The following WIZ variants were observed in gnomAD, a reference collection of about 807,000 sequenced individuals.
WIZ encodes protein Wiz.
A neutral mutation model predicts 140.2 loss-of-function variants in WIZ; 25 were observed. The ratio of observed to expected loss-of-function variants is 0.18; its 90% CI spans 0.13 to 0.25. The LOEUF (loss-of-function observed/expected upper bound fraction) is 0.25. WIZ is among the 10% of genes least tolerant of loss of function. The probability of loss-of-function intolerance (pLI) is 1.00; values close to 1 mark genes in which losing one functional copy is unlikely to be tolerated. For missense variants in WIZ, 2,231 were observed against 2,632.6 expected (o/e 0.85, Z 3.34); for synonymous variants, 1,125 against 1,154.3 (o/e 0.97, Z 0.51).
intron 6 of WIZ, among the ~76,000 whole-genome samples, 170 bp downstream of exon 6, chr19:15,430,842 G>A (rs1406575623): frequency 1.3e-5 from 2 of 152,244 alleles, no homozygotes; most frequent in African/African-American, 2.4e-5. Context: ...GCCCAGGACA[G>A]TAGAAGTTCA....
rs1191405586 is a variant in WIZ, at chr19:15,423,151, G to A, written c.5595C>T (p.Asn1865=). The change falls in exon 13 of 13, where the codon AAC becomes AAT. Residue 1865 remains asparagine, a synonymous_variant. Transcript: ENST00000673675. ...CAGGTGGGGGGTCCGCTTTGGAGAA[G>A]TTCATCTCCAGGATGTGCCGCTGTA... ...RHLQRHILEM[N]FSKADPPPEE... The A allele has an allele frequency of 6.2e-7, 1 of 1,613,308 alleles. No individual in the cohort carries two copies. Among genetic ancestry groups the A allele is most frequent in the Non-Finnish European group, 8.5e-7 (1 of 1,179,930 alleles).
chr19:15,440,595 A>G lies in WIZ; in HGVS notation c.399T>C (p.Ala133=). The change falls in exon 4 of 13, where the codon GCT becomes GCC. Residue 133 remains alanine, a synonymous_variant. Coordinates refer to ENST00000673675, the MANE Select transcript of WIZ (RefSeq NM_001371589.1). The surrounding 1 kb of genome is among the most constrained non-coding windows in gnomAD (Gnocchi z 6.2). ...TCCGCTCAGATAGGATGCCCTCCCC[A>G]GCCTCCTGGACAAGGGGGTGCTCCC... ...GPWEHPLVQE[A]GEGILSERRF... 1 of 1,536,090 alleles carries G rather than the reference A, an allele frequency of 6.5e-7. No individual in the cohort carries two copies. Among genetic ancestry groups the G allele is most frequent in the Non-Finnish European group, 8.7e-7 (1 of 1,146,862 alleles).
chr19:15,436,538 T>G (rs1173710979), intron 5 of WIZ: 1 of 438,508 alleles, frequency 2.3e-6, no homozygotes, highest in African/African-American at 2.1e-5. Context: ...TGGCTCCCAG[T>G]AAAAGCTCAG....
At position 15,430,088 on chromosome 19, in the gene WIZ, G is replaced by C; in HGVS notation, c.2913C>G (p.Ala971=). ...AGACCTCGCAGGTGGTCAGGCTCTG[G>C]GCTGAAGGGCAACACAGAGGCCGGG... is the stretch of plus-strand genomic sequence containing the variant. ...GSKQELQDLK[A]QSLTTCEVCG... Residue 971 remains alanine, a splice_region_variant and synonymous_variant, in exon 7 of 13, where the codon GCC becomes GCG. Coordinates refer to ENST00000673675, the MANE Select transcript of WIZ (RefSeq NM_001371589.1). 1 of 1,522,424 alleles carries C rather than the reference G, an allele frequency of 6.6e-7. No homozygotes were observed. Among genetic ancestry groups the C allele is most frequent in the Non-Finnish European group, 8.8e-7 (1 of 1,138,026 alleles). The allele number at this position is 1,522,424 out of a possible 1,614,324, so 94.3% of individuals were successfully genotyped here.
intron 1 of WIZ, among the ~76,000 whole-genome samples, chr19:15,449,179 G>A (rs572351444): frequency 2.6e-5 from 4 of 152,154 alleles, no homozygotes; most frequent in Non-Finnish European, 5.9e-5. Context: ...TCAAGGTAAC[G>A]GCGGAAAGTG....
chr19:15,449,180 G>C (rs1341369192), intron 1 of WIZ, among the ~76,000 whole-genome samples: 2 of 152,148 alleles, frequency 1.3e-5, no homozygotes, highest in African/African-American at 4.8e-5. Flanking sequence ...CAAGGTAACG[G>C]CGGAAAGTGA....
chr19:15,438,451 G>T, intron 4 of WIZ, 127 bp downstream of exon 4: 1 of 1,142,212 alleles, frequency 8.8e-7, no homozygotes, highest in Non-Finnish European at 1.2e-6. Flanking sequence ...CTTCACTGTG[G>T]CTCTCAAGTC....
At position 15,420,118 on chromosome 19, in the gene WIZ, T is replaced by G. The variant is rs1348740465; in HGVS notation, c.*2958A>C. 6.6e-6 allele frequency: 1 copy of G among 152,258 alleles called. No individual in the cohort carries two copies. The highest frequency in any genetic ancestry group is 2.4e-5 in the African/African-American group (1 of 41,470). 9.4% of individuals were successfully genotyped at this position (152,258 alleles called of 1,614,324 possible). On this transcript the variant is annotated 3_prime_UTR_variant, in exon 13 of 13. Coordinates refer to ENST00000673675, the MANE Select transcript of WIZ (RefSeq NM_001371589.1). The stretch of plus-strand genomic sequence containing the variant: ...AACTGATCTTATGGCCAGGATGTGC[T>G]TCACACAATTCAGACAGGTAGAGAG...
chr19:15,424,425 G>A lies in WIZ; in HGVS notation c.5315-47C>T, dbSNP rs1233036887. Reference sequence around the variant, plus strand: ...GAGATGAGTGGGAGGGGTGGATGCTGCAGAGACTTGGAATACACAAGAGCT... The same window carrying A: ...GAGATGAGTGGGAGGGGTGGATGCTACAGAGACTTGGAATACACAAGAGCT... On this transcript the variant is annotated intron_variant, in intron 11 of 12. Transcript: ENST00000673675. This position sits in a 1 kb window ranked among gnomAD's most constrained non-coding sequence, Gnocchi z 9.7. 6.3e-6 allele frequency: 10 copies of A among 1,580,004 alleles called. No individual in the cohort carries two copies. Among genetic ancestry groups the A allele is most frequent in the Non-Finnish European group, 8.6e-6 (10 of 1,166,652 alleles).
Position 15,439,794 on chromosome 19 carries a change from C to A in WIZ, c.1200G>T (p.Arg400=). ...QVPGDEGREA[R]LQCPKCVFGT... is the part of the protein sequence containing the mutation. ...CAAAGACACACTTAGGGCACTGCAGCCGTGCCTCCCGGCCCTCGTCTCCTG... is the reference window on the plus strand; with the variant it reads ...CAAAGACACACTTAGGGCACTGCAGACGTGCCTCCCGGCCCTCGTCTCCTG... The change falls in exon 4 of 13, where the codon CGG becomes CGT. Residue 400 remains arginine, a synonymous_variant. Transcript: ENST00000673675. This position sits in a 1 kb window ranked among gnomAD's most constrained non-coding sequence, Gnocchi z 7.0. The A allele has an allele frequency of 6.6e-7, 1 of 1,511,344 alleles. No homozygotes were observed. Among genetic ancestry groups the A allele is most frequent in the Non-Finnish European group, 8.8e-7 (1 of 1,135,286 alleles). 93.6% of individuals were successfully genotyped at this position (1,511,344 alleles called of 1,614,324 possible). A position where few individuals can be genotyped will look rare whatever the true frequency, so the allele number is the denominator to read the frequency against.
Position 15,427,705 on chromosome 19 carries a change from G to A in WIZ, c.3815-172C>T, listed in dbSNP as rs574587753. Among the ~76,000 whole-genome samples the A allele has an allele frequency of 1.4e-4, 21 of 152,274 alleles. No individual in the cohort carries two copies. In the South Asian group the frequency reaches 2.7e-3, roughly 20 times the overall value. ...GAGCGGGGCTGGGGGCCAGATACCC[G>A]GCAGGAGTGAGGGGAGGCTCCAGAG... On this transcript the variant is annotated intron_variant, in intron 8 of 12. Coordinates refer to ENST00000673675, the MANE Select transcript of WIZ (RefSeq NM_001371589.1). This position sits in a 1 kb window ranked among gnomAD's most constrained non-coding sequence, Gnocchi z 6.4.
Position 15,428,090 on chromosome 19 carries a change from C to T in WIZ, c.3814+20G>A, listed in dbSNP as rs1400123391. 1 of 1,532,620 alleles carries T rather than the reference C, an allele frequency of 6.5e-7. No individual in the cohort carries two copies. Among genetic ancestry groups the T allele is most frequent in the African/African-American group, 1.4e-5 (1 of 72,994 alleles). The allele number at this position is 1,532,620 out of a possible 1,614,324, so 94.9% of individuals were successfully genotyped here. A position where few individuals can be genotyped will look rare whatever the true frequency, so the allele number is the denominator to read the frequency against. ...TCCAGGGCCCGCAGTGAGGAGGGGG[C>T]AGCTGAAGCGAGAACCTACAGAGGT... On this transcript the variant is annotated intron_variant, in intron 8 of 12. Transcript: ENST00000673675. This position sits in a 1 kb window ranked among gnomAD's most constrained non-coding sequence, Gnocchi z 6.4.
At position 15,439,231 on chromosome 19, in the gene WIZ, G is replaced by A; in HGVS notation, c.1763C>T (p.Thr588Ile). ...TCTCCCGAGCTGTAAGGAGTAGGGG[G>A]TGGATGCTAGTGTGGAGGGAAAGGC... is the stretch of plus-strand genomic sequence containing the variant. ...RLAFPSTLAS[T>I]PYSLQLGRNK... Residue 588 changes from threonine to isoleucine, a missense_variant, in exon 4 of 13, where the codon ACC becomes ATC. Physicochemically the swap from Thr to Ile is moderately conservative, Grantham distance 89. Coordinates refer to ENST00000673675, the MANE Select transcript of WIZ (RefSeq NM_001371589.1). The surrounding 1 kb of genome is among the most constrained non-coding windows in gnomAD (Gnocchi z 7.0). 1 of 1,535,630 alleles carries A rather than the reference G, an allele frequency of 6.5e-7. No homozygotes were observed. The highest frequency in any genetic ancestry group is 8.7e-7 in the Non-Finnish European group (1 of 1,146,632).
In WIZ at chr19:15,428,648, A is replaced by G; in HGVS notation, c.3416-140T>C. 1 of 1,058,896 alleles carries G rather than the reference A, an allele frequency of 9.4e-7. No individual in the cohort carries two copies. Among genetic ancestry groups the G allele is most frequent in the Non-Finnish European group, 1.4e-6 (1 of 739,952 alleles). The allele number at this position is 1,058,896 out of a possible 1,614,324, so 65.6% of individuals were successfully genotyped here. On this transcript the variant is annotated intron_variant, in intron 7 of 12. Coordinates refer to ENST00000673675, the MANE Select transcript of WIZ (RefSeq NM_001371589.1). The surrounding 1 kb of genome is among the most constrained non-coding windows in gnomAD (Gnocchi z 6.4). Reference sequence around the variant, plus strand: ...GACTCAGGCCGCAGATTTCTTTTGAAGTTTGGGAAGCAGGACATCCTGTTT... The same window carrying G: ...GACTCAGGCCGCAGATTTCTTTTGAGGTTTGGGAAGCAGGACATCCTGTTT...
intron 9 of WIZ, 108 bp downstream of exon 9, chr19:15,426,874 G>A (rs749047155): frequency 1.7e-5 from 22 of 1,333,258 alleles, no homozygotes; most frequent in East Asian, 1.6e-4. Context: ...CTCTACCTGC[G>A]TGTCCTCCCT....
In WIZ at chr19:15,429,613, A is replaced by T; in HGVS notation, c.3388T>A (p.Ser1130Thr). 7.1e-7 allele frequency: 1 copy of T among 1,408,998 alleles called. No homozygotes were observed. 87.3% of individuals were successfully genotyped at this position (1,408,998 alleles called of 1,614,324 possible). A position where few individuals can be genotyped will look rare whatever the true frequency, so the allele number is the denominator to read the frequency against. ...AGGTTCAAGGGCCCCTCATCCTCAG[A>T]CTGAGGCCACTGTGCCTTTGGGGAG... Reference protein sequence around the residue: ...PASPKAQWPQSEDEGPLNLTL... With the variant: ...PASPKAQWPQTEDEGPLNLTL... The change falls in exon 7 of 13, where the codon TCT (serine) becomes ACT (threonine). Residue 1130 changes from serine (S) to threonine (T), a missense_variant. Physicochemically the swap from Ser to Thr is moderately conservative, Grantham distance 58. Around this residue, in one of 15 missense-constraint regions of WIZ, gnomAD observed 163 missense variants for 166.8 expected, o/e 0.98. Transcript: ENST00000673675.
In WIZ at chr19:15,424,380, T is replaced by A; in HGVS notation, c.5315-2A>T. The A allele has an allele frequency of 6.3e-7, 1 of 1,599,238 alleles. No homozygotes were observed. Among genetic ancestry groups the A allele is most frequent in the Non-Finnish European group, 8.5e-7 (1 of 1,175,710 alleles). On this transcript the variant is annotated splice_acceptor_variant, in intron 11 of 12. Transcript: ENST00000673675. LOFTEE classifies it high-confidence loss of function. This position sits in a 1 kb window ranked among gnomAD's most constrained non-coding sequence, Gnocchi z 9.7. ...GGCGGGCTTGTCGGCGTTCAAATTC[T>A]AAGGTGGAGAGGGGGACGGGAGATG...
At position 15,427,263 on chromosome 19, in the gene WIZ, T is replaced by G; in HGVS notation, c.4085A>C (p.Glu1362Ala). 1 of 1,613,740 alleles carries G rather than the reference T, an allele frequency of 6.2e-7. No homozygotes were observed. The highest frequency in any genetic ancestry group is 8.5e-7 in the Non-Finnish European group (1 of 1,179,996). ...GTGAAGGTCCGAGGGGCTGCGGGCTTCCAGTGAGCTGCCAGGACCTGCGCC... is the reference window on the plus strand; with the variant it reads ...GTGAAGGTCCGAGGGGCTGCGGGCTGCCAGTGAGCTGCCAGGACCTGCGCC... ...MGGAGPGSSL[E>A]ARSPSDLHIS... is the part of the protein sequence containing the mutation. The change falls in exon 9 of 13, where the codon GAA (glutamate) becomes GCA (alanine). Residue 1362 changes from glutamate (E) to alanine (A), a missense_variant. This residue lies in a region of WIZ where 393 missense variants were observed against 451.7 expected (regional missense o/e 0.87). Coordinates refer to ENST00000673675, the MANE Select transcript of WIZ (RefSeq NM_001371589.1). The surrounding 1 kb of genome is among the most constrained non-coding windows in gnomAD (Gnocchi z 6.4).
chr19:15,438,910 A>G lies in WIZ; in HGVS notation c.2084T>C (p.Met695Thr). Residue 695 changes from methionine (M) to threonine (T), a missense_variant, in exon 4 of 13, where the codon ATG becomes ACG. Met to Thr is a moderately conservative substitution (Grantham distance 81). This residue lies in a region of WIZ where 475 missense variants were observed against 520.2 expected (regional missense o/e 0.91). Transcript: ENST00000673675. ...CCTTGGGGGCACCCTGGCTGCCGCC[A>G]TGACCTGCGGCCCCAGCTTCGCCAC... The part of the protein sequence containing the change: ...VLVAKLGPQV[M>T]AAARVPPRLQ... 2 of 1,448,340 alleles carry G rather than the reference A, an allele frequency of 1.4e-6. No homozygotes were observed. The highest frequency in any genetic ancestry group is 1.8e-6 in the Non-Finnish European group (2 of 1,101,874). The allele number at this position is 1,448,340 out of a possible 1,614,324, so 89.7% of individuals were successfully genotyped here.
Sources: allele counts gnomAD v4.1 joint callset (sites outside exome capture counted in the v4.1 genomes callset), GRCh38; gene constraint gnomAD v4.1.1; regional missense constraint gnomAD v4.1.1; non-coding constraint Gnocchi (gnomAD v3.1); transcripts MANE v1.5; gene names NCBI Gene and HGNC (gene_info 2026-07-23, HGNC 2026-07-21).